Variants in ZNF804A observed in about 807,000 individuals in gnomAD.
ZNF804A encodes zinc finger protein 804A.
Under a neutral mutation model 16.5 loss-of-function variants are expected in ZNF804A, and 2 were observed. The ratio of observed to expected loss-of-function variants is 0.12; its 90% CI spans 0.05 to 0.38. ZNF804A has a LOEUF of 0.38. Ranked by LOEUF, ZNF804A falls within the 10% of genes least tolerant of loss-of-function variation. The pLI is 0.99. For missense variants in ZNF804A, 1,473 were observed against 1,390.7 expected, an observed-to-expected ratio of 1.06 and a Z score of -0.94; for synonymous variants, 534 against 489.6, an observed-to-expected ratio of 1.09 and a Z score of -1.20.
chr2:184,687,781 A>G (rs929346735), intron 1 of ZNF804A, among the ~76,000 whole-genome samples: 4 of 152,218 alleles, frequency 2.6e-5, no homozygotes, highest in South Asian at 2.1e-4. Flanking sequence ...TATGTTCTGT[A>G]TATTTTACCA....
At chr2:184,906,248 A>G (rs1361255209) in intron 2 of ZNF804A, among the ~76,000 whole-genome samples, 1 of 152,094 alleles carries the variant, frequency 6.6e-6, no homozygotes, top group Non-Finnish European at 1.5e-5. Flanking sequence ...TTTGAACACA[A>G]TATTCAAGCT....
intron 1 of ZNF804A, among the ~76,000 whole-genome samples, chr2:184,770,438 T>C (rs1309252908): frequency 1.3e-5 from 2 of 152,114 alleles, no homozygotes; most frequent in Non-Finnish European, 2.9e-5. Context: ...AGTAGCCATA[T>C]ATTGCAGTTC....
Position 184,937,976 on chromosome 2 carries a change from A to G in ZNF804A, c.2580A>G (p.Gln860=). 1 of 1,614,082 alleles carries G rather than the reference A, an allele frequency of 6.2e-7. No individual in the cohort carries two copies. Among genetic ancestry groups the G allele is most frequent in the South Asian group, 1.1e-5 (1 of 91,088 alleles). The change falls in exon 4 of 4, where the codon CAA becomes CAG. Residue 860 remains glutamine, a synonymous_variant. Coordinates refer to ENST00000302277, the MANE Select transcript of ZNF804A (RefSeq NM_194250.2). Reference sequence around the variant, plus strand: ...ACAAAAAAGAGAAAATGAAACCACAAGAAGTTGCAAAAATCGAAAGGAACT... The same window carrying G: ...ACAAAAAAGAGAAAATGAAACCACAGGAAGTTGCAAAAATCGAAAGGAACT... ...SEDKKEKMKP[Q]EVAKIERNSE...
intron 1 of ZNF804A, among the ~76,000 whole-genome samples, chr2:184,611,255 G>A (rs751504474): frequency 3.3e-5 from 5 of 152,088 alleles, no homozygotes; most frequent in African/African-American, 4.8e-5. Flanking sequence ...TCACATTGGG[G>A]CTTAGAATTT....
intron 2 of ZNF804A, among the ~76,000 whole-genome samples, chr2:184,922,819 GT>G (rs1685550695): frequency 6.6e-6 from 1 of 152,060 alleles, no homozygotes; most frequent in African/African-American, 2.4e-5. Context: ...TGAAGAGACT[GT>G]CATTTCCCCA....
chr2:184,884,560 A>G (rs143020302), intron 2 of ZNF804A, among the ~76,000 whole-genome samples: 1 of 152,304 alleles, frequency 6.6e-6, no homozygotes, highest in East Asian at 1.9e-4. Context: ...ACTACACTGT[A>G]AAACTATGGT....
At chr2:184,800,547 T>G (rs181792605) in intron 1 of ZNF804A, among the ~76,000 whole-genome samples, 213 of 151,846 alleles carry the variant, frequency 1.4e-3, no homozygotes, top group African/African-American at 4.8e-3. Context: ...GTATGTTACT[T>G]AAAAGTATTT....
chr2:184,777,638 T>A (rs1222854327), intron 1 of ZNF804A, among the ~76,000 whole-genome samples: 2 of 151,670 alleles, frequency 1.3e-5, no homozygotes. Flanking sequence ...CCATTCAAAA[T>A]TTAAATAAGC....
At chr2:184,682,447 G>A (rs1363286844) in intron 1 of ZNF804A, among the ~76,000 whole-genome samples, 2 of 152,068 alleles carry the variant, frequency 1.3e-5, no homozygotes, top group East Asian at 3.9e-4. Flanking sequence ...CCTTGACATG[G>A]GTAGAATTAG....
chr2:184,611,346 C>T (rs1691235573), intron 1 of ZNF804A, among the ~76,000 whole-genome samples: 1 of 151,842 alleles, frequency 6.6e-6, no homozygotes, highest in African/African-American at 2.4e-5. Context: ...ACATGTTTAC[C>T]CATACCCCAA....
chr2:184,935,920 A>G lies in ZNF804A; in HGVS notation c.524A>G (p.Glu175Gly). ...AAATATACTTTGATTCATAGTGAAG[A>G]GAATACTAAAGATGCTACCACTGTT... ...DFKYTLIHSE[E>G]NTKDATTVAE... The change falls in exon 4 of 4, where the codon GAG becomes GGG. Residue 175 changes from glutamate to glycine, a missense_variant. Physicochemically the swap from Glu to Gly is moderately conservative, Grantham distance 98. Coordinates refer to ENST00000302277, the MANE Select transcript of ZNF804A (RefSeq NM_194250.2). 5 of 1,613,998 alleles carry G rather than the reference A, an allele frequency of 3.1e-6. No individual in the cohort carries two copies. Among genetic ancestry groups the G allele is most frequent in the Non-Finnish European group, 4.2e-6 (5 of 1,179,912 alleles).
intron 1 of ZNF804A, among the ~76,000 whole-genome samples, chr2:184,669,841 G>C (rs2105711667): frequency 6.6e-6 from 1 of 151,892 alleles, no homozygotes; most frequent in East Asian, 1.9e-4. Flanking sequence ...AATAATTTGT[G>C]TTATTTTTAT....
intron 1 of ZNF804A, among the ~76,000 whole-genome samples, chr2:184,700,576 CAGCTGT>C (rs1489202709): frequency 6.6e-6 from 1 of 152,040 alleles, no homozygotes; most frequent in Non-Finnish European, 1.5e-5. Flanking sequence ...GACATTAGGG[CAGCTGT>C]AAGTTTCAAC....
At chr2:184,727,470 T>C (rs913991045) in intron 1 of ZNF804A, among the ~76,000 whole-genome samples, 1 of 151,686 alleles carries the variant, frequency 6.6e-6, no homozygotes, top group African/African-American at 2.4e-5. Context: ...ACTTTTATTA[T>C]GCCTCATTAT....
intron 1 of ZNF804A, among the ~76,000 whole-genome samples, chr2:184,735,432 G>C (rs1693591758): frequency 6.6e-6 from 1 of 152,012 alleles, no homozygotes; most frequent in Non-Finnish European, 1.5e-5. Context: ...TCACACACCG[G>C]GGCCTGTTTG....
chr2:184,598,949 G>A lies in ZNF804A; in HGVS notation c.-11G>A, dbSNP rs781440333. On this transcript the variant is annotated 5_prime_UTR_variant, in exon 1 of 4. Transcript: ENST00000302277. ...AGCGGCGGCTGCGGCGGAGGAGGCGGCGGCTGCCCCATGGAGTGTTACTAC... is the reference window on the plus strand; with the variant it reads ...AGCGGCGGCTGCGGCGGAGGAGGCGACGGCTGCCCCATGGAGTGTTACTAC... 6 of 1,534,546 alleles carry A rather than the reference G, an allele frequency of 3.9e-6. No individual in the cohort carries two copies. Among genetic ancestry groups the A allele is most frequent in the Non-Finnish European group, 5.3e-6 (6 of 1,135,628 alleles).
At chr2:184,752,342 G>A (rs1693889135) in intron 1 of ZNF804A, among the ~76,000 whole-genome samples, 1 of 151,592 alleles carries the variant, frequency 6.6e-6, no homozygotes, top group Non-Finnish European at 1.5e-5. Context: ...CATGGATGGA[G>A]CTGAAGGTCA....
chr2:184,886,355 G>C (rs1684890537), intron 2 of ZNF804A, among the ~76,000 whole-genome samples: 1 of 152,178 alleles, frequency 6.6e-6, no homozygotes, highest in Non-Finnish European at 1.5e-5. Flanking sequence ...CCTCCCAGCT[G>C]CTTTCACAGG....
intron 1 of ZNF804A, among the ~76,000 whole-genome samples, chr2:184,820,738 T>C (rs1454239503): frequency 1.3e-5 from 2 of 152,054 alleles, no homozygotes; most frequent in Non-Finnish European, 1.5e-5. Flanking sequence ...ACAAAATAAA[T>C]GTGCAAAAAT....
Sources: gnomAD v4.1 joint callset for allele counts (sites outside exome capture counted in the v4.1 genomes callset) on GRCh38, gnomAD v4.1.1 for gene constraint, MANE v1.5 for transcripts, NCBI Gene and HGNC (gene_info 2026-07-23, HGNC 2026-07-21) for gene names.